The following TENM3 variants were observed in gnomAD, a reference collection of about 807,000 sequenced individuals.
The protein encoded by TENM3 is teneurin transmembrane protein 3.
A neutral mutation model predicts 255.1 loss-of-function variants in TENM3; 63 were observed. The observed-to-expected ratio is 0.25, with a 90% CI of 0.20 to 0.30. The LOEUF (loss-of-function observed/expected upper bound fraction) is 0.30. TENM3 is among the 10% of genes least tolerant of loss of function. TENM3 has a pLI of 1.00. For missense variants in TENM3, 2,929 were observed against 3,461.1 expected (o/e 0.85, Z 3.86); for synonymous variants, 1,306 against 1,322.3 (o/e 0.99, Z 0.27).
intron 1 of TENM3, among the ~76,000 whole-genome samples, chr4:182,263,878 A>C (rs2150178359): frequency 6.6e-6 from 1 of 152,290 alleles, no homozygotes; most frequent in Non-Finnish European, 1.5e-5. Context: ...TTGGGTGCTA[A>C]GCAGAGTGGC....
chr4:182,570,829 CAAA>C (rs35697079), intron 3 of TENM3, among the ~76,000 whole-genome samples: 2 of 144,942 alleles, frequency 1.4e-5, no homozygotes, highest in Admixed American at 6.9e-5. Flanking sequence ...GACTCTGTGT[CAAA>C]AAAAAAAACA....
At chr4:182,528,148 C>T (rs1399284826) in intron 3 of TENM3, among the ~76,000 whole-genome samples, 1 of 152,140 alleles carries the variant, frequency 6.6e-6, no homozygotes. Context: ...GAGACAGTCT[C>T]ACTCTGTCGC....
chr4:181,467,323 C>T, the TENM3 span, among the ~76,000 whole-genome samples: 103,673 of 148,008 alleles, frequency 0.7, 36,673 homozygotes, highest in Non-Finnish European at 0.74. Context: ...TTAGTAGAGA[C>T]GGGGTTTCGC....
chr4:182,529,606 T>G (rs1006821896), intron 3 of TENM3, among the ~76,000 whole-genome samples: 1 of 152,220 alleles, frequency 6.6e-6, no homozygotes, highest in Non-Finnish European at 1.5e-5. Flanking sequence ...TAGATAGTAC[T>G]AAAGGCCTAC....
At chr4:182,360,239 G>A (rs1451458130) in intron 3 of TENM3, among the ~76,000 whole-genome samples, 65 of 128,336 alleles carry the variant, frequency 5.1e-4, no homozygotes, top group African/African-American at 1.1e-3. Context: ...TATTAGGTCC[G>A]CTTGGTGCAG....
chr4:182,366,274 C>T (rs1465028536), intron 3 of TENM3, among the ~76,000 whole-genome samples: 1 of 151,780 alleles, frequency 6.6e-6, no homozygotes, highest in Non-Finnish European at 1.5e-5. Flanking sequence ...AAATCAATAG[C>T]ATTATTTACT....
chr4:182,377,314 C>T (rs6832286), intron 3 of TENM3, among the ~76,000 whole-genome samples: 81,166 of 151,768 alleles, frequency 0.53, 21,924 homozygotes, highest in South Asian at 0.61. Flanking sequence ...TTTATTTATT[C>T]ATTTATTTAT....
intron 12 of TENM3, among the ~76,000 whole-genome samples, chr4:182,701,647 T>C (rs1757887025): frequency 6.6e-6 from 1 of 152,166 alleles, no homozygotes; most frequent in Non-Finnish European, 1.5e-5. Context: ...GAGGAAACTA[T>C]GTGGTTATTT....
chr4:181,834,213 C>G, the TENM3 span, among the ~76,000 whole-genome samples: 1 of 151,786 alleles, frequency 6.6e-6, no homozygotes, highest in Non-Finnish European at 1.5e-5. Context: ...TTGACAACTT[C>G]TTATTGAATG....
At chr4:182,759,161 G>A (rs2152762143) in intron 22 of TENM3, among the ~76,000 whole-genome samples, 1 of 152,266 alleles carries the variant, frequency 6.6e-6, no homozygotes, top group South Asian at 2.1e-4. Context: ...ACATGTCACA[G>A]TATTGGTATA....
chr4:181,859,947 T>C, the TENM3 span, among the ~76,000 whole-genome samples: 1 of 152,206 alleles, frequency 6.6e-6, no homozygotes, highest in South Asian at 2.1e-4. Flanking sequence ...TAAGAAAGAA[T>C]GACATGTAGT....
the TENM3 span, among the ~76,000 whole-genome samples, chr4:181,500,093 A>G: frequency 1.3e-5 from 2 of 151,392 alleles, no homozygotes; most frequent in Non-Finnish European, 1.5e-5. Context: ...CAGTGGTGTG[A>G]TCTCGGCTCA....
At chr4:182,441,567 C>T (rs188134589) in intron 3 of TENM3, among the ~76,000 whole-genome samples, 68 of 152,200 alleles carry the variant, frequency 4.5e-4, no homozygotes, top group East Asian at 9.7e-4. Flanking sequence ...GTGCAATCTC[C>T]GCTCACCACA....
At chr4:181,703,604 A>C in the TENM3 span, among the ~76,000 whole-genome samples, 2 of 152,118 alleles carry the variant, frequency 1.3e-5, no homozygotes, top group Non-Finnish European at 2.9e-5. Context: ...CCTGCTCCCC[A>C]AAGCAGAGGA....
At chr4:181,673,781 C>T in the TENM3 span, among the ~76,000 whole-genome samples, 1 of 151,910 alleles carries the variant, frequency 6.6e-6, no homozygotes, top group Admixed American at 6.6e-5. Flanking sequence ...CTAGATTACA[C>T]CAATTTCCAT....
At chr4:181,945,126 G>C in the TENM3 span, among the ~76,000 whole-genome samples, 1 of 151,524 alleles carries the variant, frequency 6.6e-6, no homozygotes, top group African/African-American at 2.4e-5. Flanking sequence ...TTTGAGAAAG[G>C]AATGTGAATG....
intron 1 of TENM3, among the ~76,000 whole-genome samples, chr4:182,307,481 A>T (rs1762203797): frequency 6.6e-6 from 1 of 152,220 alleles, no homozygotes; most frequent in Non-Finnish European, 1.5e-5. Context: ...AATGTAGAGT[A>T]GCACTCACCT....
chr4:182,433,571 G>A (rs749008981), intron 3 of TENM3, among the ~76,000 whole-genome samples: 3 of 152,148 alleles, frequency 2.0e-5, no homozygotes, highest in Non-Finnish European at 2.9e-5. Context: ...AAGGGTAGGG[G>A]CATGACTGAG....
intron 3 of TENM3, among the ~76,000 whole-genome samples, chr4:182,589,670 A>G (rs1746398923): frequency 6.6e-6 from 1 of 152,046 alleles, no homozygotes; most frequent in Admixed American, 6.6e-5. Context: ...TTGAGAGTAT[A>G]TTCTTTTAAA....
Sources: allele counts gnomAD v4.1 joint callset (sites outside exome capture counted in the v4.1 genomes callset), GRCh38; gene constraint gnomAD v4.1.1; transcripts MANE v1.5; gene names NCBI Gene and HGNC (gene_info 2026-07-23, HGNC 2026-07-21).